STK31: variants seen among roughly 807,000 people sequenced by gnomAD.
The protein encoded by STK31 is serine/threonine kinase 31.
A neutral mutation model predicts 129.7 loss-of-function variants in STK31; 89 were observed. The ratio of observed to expected loss-of-function variants is 0.69; its 90% CI spans 0.58 to 0.82. STK31 has a LOEUF of 0.82. Among genes scored for constraint, STK31 ranks in the 40% least tolerant of loss-of-function variants. The pLI, the probability that STK31 is intolerant of heterozygous loss-of-function variation, is 0.00. For synonymous variants in STK31, 448 were observed against 395.3 expected, an observed-to-expected ratio of 1.13 and a Z score of -1.58; for missense variants, 1,187 against 1,176.4, an observed-to-expected ratio of 1.01 and a Z score of -0.13.
chr7:23,805,199 C>T (rs753517122), intron 22 of STK31, among the ~76,000 whole-genome samples: 1 of 152,052 alleles, frequency 6.6e-6, no homozygotes, highest in South Asian at 2.1e-4. Flanking sequence ...TCTCAGCCTC[C>T]TGAGTAGCTG....
intron 20 of STK31, 28 bp downstream of exon 20, chr7:23,786,952 T>C: frequency 6.3e-7 from 1 of 1,589,060 alleles, no homozygotes; most frequent in East Asian, 2.2e-5. Flanking sequence ...TTTATTTCCA[T>C]GGATGTATTA....
At chr7:23,780,716 T>C (rs1790871024) in intron 15 of STK31, among the ~76,000 whole-genome samples, 1 of 152,172 alleles carries the variant, frequency 6.6e-6, no homozygotes, top group Non-Finnish European at 1.5e-5. Context: ...CCTGAGAAAA[T>C]AAGCCATCAA....
At chr7:23,791,366 T>G in intron 22 of STK31, 5 of 954,442 alleles carry the variant, frequency 5.2e-6, no homozygotes, top group Non-Finnish European at 6.2e-6. Flanking sequence ...GCGAATTTAC[T>G]GTGGATCAGA....
At chr7:23,737,363 C>G (rs1447947063) in intron 8 of STK31, among the ~76,000 whole-genome samples, 2 of 152,120 alleles carry the variant, frequency 1.3e-5, no homozygotes, top group African/African-American at 4.8e-5. Flanking sequence ...AGGAGAGAGA[C>G]TTGAATAATT....
rs754448533 is a variant in STK31, at chr7:23,710,270, G to GGGCCGAAA, written c.-14_-7dup. ...CTGCACGTGTGCTACGGCGGGCGGAGGGCCGAAAGTCCAGTATGTGGGTCC... is the reference window on the plus strand; with the variant it reads ...CTGCACGTGTGCTACGGCGGGCGGAGGGCCGAAAGGCCGAAAGTCCAGTATGTGGGTCC... On this transcript the variant is annotated 5_prime_UTR_variant, in exon 1 of 24. Coordinates refer to ENST00000355870, the MANE Select transcript of STK31 (RefSeq NM_031414.5). The GGGCCGAAA allele has an allele frequency of 8.1e-6, 13 of 1,611,150 alleles. No homozygotes were observed. In the African/African-American group the frequency reaches 1.7e-4, roughly 22 times the overall value.
At chr7:23,721,948 C>G (rs879594617) in intron 4 of STK31, among the ~76,000 whole-genome samples, 1 of 152,172 alleles carries the variant, frequency 6.6e-6, no homozygotes, top group Non-Finnish European at 1.5e-5. Context: ...GACTTCTCTA[C>G]ACTGTTTATT....
chr7:23,822,140 G>A (rs1230798578), intron 23 of STK31, among the ~76,000 whole-genome samples: 1 of 152,048 alleles, frequency 6.6e-6, no homozygotes, highest in African/African-American at 2.4e-5. Flanking sequence ...AGTTCTACAT[G>A]AAATTTAGGA....
rs972468438 is a variant in STK31, at chr7:23,721,335, G to A, written c.249+3756G>A. The A allele has an allele frequency of 1.4e-5, 10 of 716,268 alleles. No homozygotes were observed. The East Asian group carries it at 1.5e-4, about 11-fold the overall frequency. The allele number at this position is 716,268 out of a possible 1,614,324, so 44.4% of individuals were successfully genotyped here. The stretch of plus-strand genomic sequence containing the variant: ...TTTGTCTCTAAAATATGTCAAGTAA[G>A]CTTTTAAAGATTCAGGAAGGGGCAG... On this transcript the variant is annotated intron_variant, in intron 4 of 23. Transcript: ENST00000355870.
chr7:23,825,058 T>C (rs1214610434), intron 23 of STK31, among the ~76,000 whole-genome samples: 1 of 152,052 alleles, frequency 6.6e-6, no homozygotes, highest in East Asian at 1.9e-4. Context: ...TCTAAAATTG[T>C]CTTTTTTGGT....
chr7:23,782,488 A>AAAAAG (rs1428227829), intron 16 of STK31, among the ~76,000 whole-genome samples: 9 of 150,798 alleles, frequency 6.0e-5, no homozygotes, highest in Non-Finnish European at 1.0e-4. Flanking sequence ...AAAAAAAAAA[A>AAAAAG]AAAAGAAAAG....
intron 15 of STK31, among the ~76,000 whole-genome samples, chr7:23,775,805 T>C (rs1703254190): frequency 6.6e-6 from 1 of 152,144 alleles, no homozygotes; most frequent in Non-Finnish European, 1.5e-5. Flanking sequence ...TGTCTTCTTA[T>C]GTGAATACCT....
intron 3 of STK31, 150 bp from the exon 4 acceptor site, chr7:23,717,331 A>G (rs1036718663): frequency 4.2e-6 from 2 of 473,334 alleles, no homozygotes; most frequent in Non-Finnish European, 3.7e-6. Flanking sequence ...TAAATAACTC[A>G]TTTAAATTAT....
At chr7:23,814,719 A>AT (rs1371267276) in intron 22 of STK31, among the ~76,000 whole-genome samples, 33 of 151,588 alleles carry the variant, frequency 2.2e-4, no homozygotes, top group Admixed American at 2.2e-3. Flanking sequence ...TAATTAATTT[A>AT]TTTTTTGCAT....
At chr7:23,810,757 T>A (rs1457329164) in intron 22 of STK31, among the ~76,000 whole-genome samples, 1 of 130,106 alleles carries the variant, frequency 7.7e-6, no homozygotes, top group East Asian at 2.0e-4. Flanking sequence ...ATATATATAA[T>A]ATATAATATA....
At chr7:23,752,965 AAGAT>A (rs1271242555) in intron 9 of STK31, 133 bp downstream of exon 9, 1 of 621,940 alleles carries the variant, frequency 1.6e-6, no homozygotes, top group Non-Finnish European at 2.8e-6. Flanking sequence ...CAAAGAGAGA[AAGAT>A]AGTTATTTCT....
Position 23,783,563 on chromosome 7 carries a change from C to CTT in STK31, c.2068-10_2068-9dup, listed in dbSNP as rs752675717. On this transcript the variant is annotated intron_variant, in intron 16 of 23. Coordinates refer to ENST00000355870, the MANE Select transcript of STK31 (RefSeq NM_031414.5). ...ATATATATTGATCTACAGTTAAAAACTTTTTTTTTTTAACTTTAGGAGATG... is the reference window on the plus strand; with the variant it reads ...ATATATATTGATCTACAGTTAAAAACTTTTTTTTTTTTTAACTTTAGGAGATG... 7 of 1,233,860 alleles carry CTT rather than the reference C, an allele frequency of 5.7e-6. No individual in the cohort carries two copies. The highest frequency in any genetic ancestry group is 2.9e-5 in the East Asian group (1 of 34,708). 76.4% of individuals were successfully genotyped at this position (1,233,860 alleles called of 1,614,324 possible).
At chr7:23,808,299 TCTC>T (rs1015780216) in intron 22 of STK31, among the ~76,000 whole-genome samples, 4 of 151,854 alleles carry the variant, frequency 2.6e-5, no homozygotes, top group African/African-American at 9.7e-5. Context: ...CTGCCTTACT[TCTC>T]CTTGCTGCTG....
At chr7:23,780,248 C>T (rs984456524) in intron 15 of STK31, among the ~76,000 whole-genome samples, 3 of 152,278 alleles carry the variant, frequency 2.0e-5, no homozygotes, top group Non-Finnish European at 2.9e-5. Context: ...CTGTTGATCT[C>T]GCTGGGAGCT....
intron 8 of STK31, among the ~76,000 whole-genome samples, chr7:23,744,217 G>A (rs1454116144): frequency 6.6e-6 from 1 of 151,444 alleles, no homozygotes; most frequent in East Asian, 1.9e-4. Flanking sequence ...ATCATGCCAG[G>A]CCTAGATCTA....
Sources: allele counts gnomAD v4.1 joint callset (sites outside exome capture counted in the v4.1 genomes callset), GRCh38; gene constraint gnomAD v4.1.1; transcripts MANE v1.5; gene names NCBI Gene and HGNC (gene_info 2026-07-23, HGNC 2026-07-21).